The following ANKRD11 variants were observed in gnomAD, a reference collection of about 807,000 sequenced individuals.
ANKRD11 encodes ankyrin repeat domain-containing protein 11.
A neutral mutation model predicts 195.7 loss-of-function variants in ANKRD11; 17 were observed. The observed-to-expected ratio is 0.09, with a 90% CI of 0.06 to 0.13. The LOEUF (loss-of-function observed/expected upper bound fraction) is 0.13. ANKRD11 is among the 10% of genes least tolerant of loss of function. ANKRD11 has a pLI of 1.00. For missense variants in ANKRD11, 3,735 were observed against 3,566.1 expected (o/e 1.05, Z -1.21); for synonymous variants, 1,953 against 1,528.1 (o/e 1.28, Z -6.49).
At chr16:89,440,068 C>A (rs866795830) in intron 1 of ANKRD11, among the ~76,000 whole-genome samples, 7 of 152,280 alleles carry the variant, frequency 4.6e-5, no homozygotes, top group Non-Finnish European at 1.0e-4. Flanking sequence ...GAGATCACAG[C>A]CTTTCAGGAC....
At chr16:89,387,765 G>A (rs2040986691) in intron 2 of ANKRD11, among the ~76,000 whole-genome samples, 1 of 151,556 alleles carries the variant, frequency 6.6e-6, no homozygotes, top group South Asian at 2.1e-4. Flanking sequence ...CACTTTGGGA[G>A]GCTGAGGCAG....
chr16:89,311,960 C>A (rs891690635), intron 3 of ANKRD11, among the ~76,000 whole-genome samples: 1 of 152,156 alleles, frequency 6.6e-6, no homozygotes, highest in Non-Finnish European at 1.5e-5. Context: ...TGCGGTGATG[C>A]GATCTCAGCT....
chr16:89,381,245 T>C (rs977812419), intron 2 of ANKRD11, among the ~76,000 whole-genome samples: 15 of 150,510 alleles, frequency 1.0e-4, no homozygotes, highest in African/African-American at 3.7e-4. Flanking sequence ...GGCAGGAGAA[T>C]TGCTTGAACC....
intron 2 of ANKRD11, among the ~76,000 whole-genome samples, chr16:89,328,694 G>A (rs976400204): frequency 1.4e-5 from 2 of 147,328 alleles, no homozygotes; most frequent in African/African-American, 2.5e-5. Context: ...CCAGGAGCAC[G>A]GGCGAAATCA....
chr16:89,427,167 A>G (rs937382689), intron 1 of ANKRD11, among the ~76,000 whole-genome samples: 1 of 152,240 alleles, frequency 6.6e-6, no homozygotes, highest in Non-Finnish European at 1.5e-5. Context: ...TTTCCATTTA[A>G]AACAGCATCA....
chr16:89,460,978 CCCA>C (rs1238973588), intron 1 of ANKRD11, among the ~76,000 whole-genome samples: 2 of 107,182 alleles, frequency 1.9e-5, no homozygotes, highest in African/African-American at 3.5e-5. Context: ...GACCCCCCCC[CCCA>C]ACAGGAGACG....
At chr16:89,274,373 C>T (rs1248253849) in intron 11 of ANKRD11, among the ~76,000 whole-genome samples, 1 of 152,194 alleles carries the variant, frequency 6.6e-6, no homozygotes, top group African/African-American at 2.4e-5. Context: ...CCCAGTGTCC[C>T]TGCTGTCCCC....
intron 1 of ANKRD11, among the ~76,000 whole-genome samples, chr16:89,432,059 C>T (rs187155827): frequency 6.6e-6 from 1 of 152,034 alleles, no homozygotes; most frequent in African/African-American, 2.4e-5. Context: ...ATTTCTTTAC[C>T]TACATCATCA....
chr16:89,301,922 G>A (rs1031748448), intron 4 of ANKRD11, among the ~76,000 whole-genome samples: 1 of 152,208 alleles, frequency 6.6e-6, no homozygotes, highest in Non-Finnish European at 1.5e-5. Flanking sequence ...TGAGGGAGAC[G>A]TGCCAGCCTC....
At chr16:89,268,920 G>T in intron 12 of ANKRD11, among the ~76,000 whole-genome samples, 1 of 152,218 alleles carries the variant, frequency 6.6e-6, no homozygotes, top group Non-Finnish European at 1.5e-5. Flanking sequence ...TGGCCCGGGG[G>T]CCCTGCCCTG....
intron 3 of ANKRD11, among the ~76,000 whole-genome samples, chr16:89,306,665 C>T (rs1597562419): frequency 1.2e-5 from 1 of 80,232 alleles, no homozygotes. Context: ...TCCCACTGTG[C>T]AGACACGTGC....
In ANKRD11 at chr16:89,324,371, G is replaced by A. The variant is rs538526962; in HGVS notation, c.-59-7293C>T. ...AGAAGAGGGAAAAAGCCAGGAGGGCGGCACGTGGGCGCAAAGTTCTCAGCT... is the reference window on the plus strand; with the variant it reads ...AGAAGAGGGAAAAAGCCAGGAGGGCAGCACGTGGGCGCAAAGTTCTCAGCT... On this transcript the variant is annotated intron_variant, in intron 2 of 12. Transcript: ENST00000301030. 128 of 816,142 alleles carry A rather than the reference G, an allele frequency of 1.6e-4. 1 individual carries two copies. In the Middle Eastern group the frequency reaches 1.9e-3, roughly 12 times the overall value. The allele number at this position is 816,142 out of a possible 1,614,324, so 50.6% of individuals were successfully genotyped here.
rs1232288901 is a variant in ANKRD11 at position 89,285,859 on chromosome 16, A to C, written c.892+180T>G. 6.6e-6 allele frequency among the ~76,000 whole-genome samples: 1 copy of C among 152,246 alleles called. No homozygotes were observed. The highest frequency in any genetic ancestry group is 1.5e-5 in the Non-Finnish European group (1 of 68,046). ...AGACAGGGCTGGCATCTTAGAATGAAGACTGCAGGCTTCTCGGCAGTGACA... is the reference window on the plus strand; with the variant it reads ...AGACAGGGCTGGCATCTTAGAATGACGACTGCAGGCTTCTCGGCAGTGACA... On this transcript the variant is annotated intron_variant, in intron 8 of 12. Coordinates refer to ENST00000301030, the MANE Select transcript of ANKRD11 (RefSeq NM_013275.6). This position sits in a 1 kb window ranked among gnomAD's most constrained non-coding sequence, Gnocchi z 5.6.
intron 2 of ANKRD11, among the ~76,000 whole-genome samples, chr16:89,322,757 C>T (rs3102385): frequency 1.3e-5 from 2 of 152,140 alleles, no homozygotes; most frequent in Non-Finnish European, 2.9e-5. Context: ...CACGTCGGCC[C>T]TGGGCACAGC....
intron 1 of ANKRD11, among the ~76,000 whole-genome samples, chr16:89,420,686 T>C (rs562481695): frequency 6.6e-6 from 1 of 152,202 alleles, no homozygotes; most frequent in East Asian, 1.9e-4. Context: ...ACAGTACCAA[T>C]CCAGAGCCTC....
intron 2 of ANKRD11, among the ~76,000 whole-genome samples, chr16:89,330,976 C>T (rs1025601236): frequency 6.6e-6 from 1 of 152,206 alleles, no homozygotes; most frequent in Non-Finnish European, 1.5e-5. Context: ...TTTCTTGAGA[C>T]GGAGTCTCAC....
At chr16:89,303,271 G>A (rs751153603) in intron 4 of ANKRD11, among the ~76,000 whole-genome samples, 1 of 152,214 alleles carries the variant, frequency 6.6e-6, no homozygotes, top group Admixed American at 6.5e-5. Context: ...TAACAGCTAC[G>A]TATCAACATG....
Position 89,377,292 on chromosome 16 carries a change from G to C in ANKRD11, c.-60+40992C>G, listed in dbSNP as rs145174848. On this transcript the variant is annotated intron_variant, in intron 2 of 12. Coordinates refer to ENST00000301030, the MANE Select transcript of ANKRD11 (RefSeq NM_013275.6). ...GGGAGAGAGAGAGAGAGAGCATCAT[G>C]AGTGTCTGGAAGATGACACCATGAA... is the stretch of plus-strand genomic sequence containing the variant. 1.1e-4 allele frequency among the ~76,000 whole-genome samples: 17 copies of C among 152,240 alleles called. 1 individual carries two copies. In the East Asian group the frequency reaches 3.3e-3, roughly 29 times the overall value.
chr16:89,431,562 TC>T (rs1422277489), intron 1 of ANKRD11, among the ~76,000 whole-genome samples: 1 of 152,148 alleles, frequency 6.6e-6, no homozygotes, highest in Non-Finnish European at 1.5e-5. Context: ...ACCACTCTCT[TC>T]CCAGGCTTCC....
Sources: allele counts gnomAD v4.1 joint callset (sites outside exome capture counted in the v4.1 genomes callset), GRCh38; gene constraint gnomAD v4.1.1; non-coding constraint Gnocchi (gnomAD v3.1); transcripts MANE v1.5; gene names NCBI Gene and HGNC (gene_info 2026-07-23, HGNC 2026-07-21).